The following PPRC1 variants were observed in gnomAD, a reference collection of about 807,000 sequenced individuals.
PPRC1 encodes PPARG related coactivator 1, also known as peroxisome proliferator-activated receptor gamma coactivator-related protein 1.
PPRC1 carries 23 observed loss-of-function variants against 132.5 expected under a neutral mutation model. The observed-to-expected ratio is 0.17, with a 90% confidence interval of 0.12 to 0.25. PPRC1 has a LOEUF of 0.25. PPRC1 is among the 10% of genes least tolerant of loss of function. PPRC1 has a pLI of 1.00. For missense variants in PPRC1, 2,006 were observed against 2,089.1 expected, an observed-to-expected ratio of 0.96 and a Z score of 0.78; for synonymous variants, 872 against 833.5, an observed-to-expected ratio of 1.05 and a Z score of -0.80.
chr10:102,146,906 C>T lies in PPRC1; in HGVS notation c.3914C>T (p.Pro1305Leu), dbSNP rs2069270916. 1 of 1,614,050 alleles carries T rather than the reference C, an allele frequency of 6.2e-7. No individual in the cohort carries two copies. Among genetic ancestry groups the T allele is most frequent in the Non-Finnish European group, 8.5e-7 (1 of 1,179,988 alleles). ...DHDYCVRSRT[P>L]PKKMPALVIP... ...GACTATTGTGTCCGGAGCAGGACCCCCCCAAAAAAGATGCCTGCCCTAGTC... is the reference window on the plus strand; with the variant it reads ...GACTATTGTGTCCGGAGCAGGACCCTCCCAAAAAAGATGCCTGCCCTAGTC... The change falls in exon 9 of 14, where the codon CCC becomes CTC. Residue 1305 changes from proline (P) to leucine (L), a missense_variant. Pro to Leu is a moderately conservative substitution (Grantham distance 98). Transcript: ENST00000278070.
At chr10:102,130,255 A>C (rs185388012), upstream of PPRC1, among the ~76,000 whole-genome samples, 10 of 151,838 alleles carry the variant, frequency 6.6e-5, no homozygotes, top group East Asian at 9.7e-4. Flanking sequence ...TCTCTACTAA[A>C]TATACAAAAA....
At chr10:102,132,091 C>G (rs1564925407), upstream of PPRC1, among the ~76,000 whole-genome samples, 1 of 152,160 alleles carries the variant, frequency 6.6e-6, no homozygotes, top group African/African-American at 2.4e-5. Flanking sequence ...CCAATTTGTG[C>G]CCCTATATAT....
In PPRC1 at chr10:102,148,306, T is replaced by C; in HGVS notation, c.4401-66T>C. 1 of 1,553,590 alleles carries C rather than the reference T, an allele frequency of 6.4e-7. No individual in the cohort carries two copies. The highest frequency in any genetic ancestry group is 2.2e-5 in the East Asian group (1 of 44,484). ...CTAAAAGAAAGGCAGGACTGGGGCC[T>C]GGGTGAGATAAGCAGAGTATACCTG... is the stretch of plus-strand genomic sequence containing the variant. On this transcript the variant is annotated intron_variant, in intron 9 of 13. Coordinates refer to ENST00000278070, the MANE Select transcript of PPRC1 (RefSeq NM_015062.5). The surrounding 1 kb of genome is among the most constrained non-coding windows in gnomAD (Gnocchi z 4.2).
chr10:102,138,071 C>G (rs758852323), intron 2 of PPRC1, 33 bp downstream of exon 2: 90 of 1,597,728 alleles, frequency 5.6e-5, no homozygotes, highest in Non-Finnish European at 7.4e-5. Flanking sequence ...AATCTTCAAG[C>G]AGGAGGTTTA....
chr10:102,120,372 C>CGTGTGTGCGT, the PPRC1 span: 2 of 983,874 alleles, frequency 2.0e-6, no homozygotes, highest in African/African-American at 1.8e-5. Flanking sequence ...AGTGTGTGTC[C>CGTGTGTGCGT]GTGTGTGCGT....
rs768032832 is a variant in PPRC1 at position 102,146,986 on chromosome 10, A to G, written c.3994A>G (p.Lys1332Glu). ...NVKRHQDITI[K>E]PVLSLGPAAP... The stretch of plus-strand genomic sequence containing the variant: ...CAAGCGCCATCAGGACATCACCATC[A>G]AACCTGTCTTGTCCTTGGGCCCAGC... The change falls in exon 9 of 14, where the codon AAA becomes GAA. Residue 1332 changes from lysine (K) to glutamate (E), a missense_variant. Lys to Glu is a moderately conservative substitution (Grantham distance 56). Transcript: ENST00000278070. The G allele has an allele frequency of 6.2e-7, 1 of 1,613,994 alleles. No individual in the cohort carries two copies. Among genetic ancestry groups the G allele is most frequent in the East Asian group, 2.2e-5 (1 of 44,866 alleles).
rs754893210 is a variant in PPRC1, at chr10:102,140,546, C to G, written c.2038C>G (p.Pro680Ala). The G allele has an allele frequency of 1.2e-6, 2 of 1,614,106 alleles. No individual in the cohort carries two copies. Among genetic ancestry groups the G allele is most frequent in the South Asian group, 2.2e-5 (2 of 91,084 alleles). The change falls in exon 5 of 14, where the codon CCA (proline) becomes GCA (alanine). Residue 680 changes from proline (P) to alanine (A), a missense_variant. Around this residue, in one of 2 missense-constraint regions of PPRC1, gnomAD observed 1,914 missense variants for 1,917.2 expected, o/e 1.00. Coordinates refer to ENST00000278070, the MANE Select transcript of PPRC1 (RefSeq NM_015062.5). ...LVDPVPNDLT[P>A]VDPVLVKSRP... is the part of the protein sequence containing the mutation. ...TGACCCTGTTCCTAATGACCTGACTCCAGTTGACCCAGTGCTAGTTAAGTC... is the reference window on the plus strand; with the variant it reads ...TGACCCTGTTCCTAATGACCTGACTGCAGTTGACCCAGTGCTAGTTAAGTC...
In PPRC1 at chr10:102,141,895, C is replaced by A; in HGVS notation, c.3387C>A (p.Val1129=). Residue 1129 remains valine (V), a synonymous_variant, in exon 5 of 14, where the codon GTC becomes GTA. Transcript: ENST00000278070. Reference sequence around the variant, plus strand: ...TTCCCACACCAAGGCAGAGCACTGTCCCCAAGCTGCCTGCTGTCCACCCAG... The same window carrying A: ...TTCCCACACCAAGGCAGAGCACTGTACCCAAGCTGCCTGCTGTCCACCCAG... ...KAVPTPRQST[V]PKLPAVHPAR... is the part of the protein sequence containing the mutation. 1 of 1,614,156 alleles carries A rather than the reference C, an allele frequency of 6.2e-7. No homozygotes were observed. Among genetic ancestry groups the A allele is most frequent in the Non-Finnish European group, 8.5e-7 (1 of 1,180,030 alleles).
rs1280474188 is a variant in PPRC1 at position 102,150,129 on chromosome 10, C to T, written c.*100C>T. 3.9e-6 allele frequency: 3 copies of T among 774,540 alleles called. No individual in the cohort carries two copies. The African/African-American group carries it at 5.2e-5, about 14-fold the overall frequency. The allele number at this position is 774,540 out of a possible 1,614,324, so 48.0% of individuals were successfully genotyped here. A position where few individuals can be genotyped will look rare whatever the true frequency, so the allele number is the denominator to read the frequency against. ...GGGGAGAGAGCTGCTAGTGAGATGA[C>T]TGTTTTATAAAGAAATGGAAAAAAG... On this transcript the variant is annotated 3_prime_UTR_variant, in exon 14 of 14. Coordinates refer to ENST00000278070, the MANE Select transcript of PPRC1 (RefSeq NM_015062.5).
At chr10:102,124,622 T>C in the PPRC1 span, among the ~76,000 whole-genome samples, 2 of 148,926 alleles carry the variant, frequency 1.3e-5, no homozygotes, top group Non-Finnish European at 3.0e-5. Context: ...ATTACAGGCG[T>C]GAGCCACTGT....
At position 102,137,920 on chromosome 10, in the gene PPRC1, A is replaced by C. The variant is rs2068786723; in HGVS notation, c.224A>C (p.Asp75Ala). Residue 75 changes from aspartate (D) to alanine (A), a missense_variant, in exon 2 of 14, where the codon GAC (aspartate) becomes GCC (alanine). By Grantham distance (126) the Asp-to-Ala change is moderately radical (BLOSUM62 -2). This residue lies in a region of PPRC1 where 1,914 missense variants were observed against 1,917.2 expected (regional missense o/e 1.00). Coordinates refer to ENST00000278070, the MANE Select transcript of PPRC1 (RefSeq NM_015062.5). Reference sequence around the variant, plus strand: ...TCTCGGCTGGGCCCATCTCTGAGGGACAAGGACCTGGAAATGGAGGAGCTA... The same window carrying C: ...TCTCGGCTGGGCCCATCTCTGAGGGCCAAGGACCTGGAAATGGAGGAGCTA... ...SLSRLGPSLR[D>A]KDLEMEELML... The C allele has an allele frequency of 6.2e-7, 1 of 1,614,006 alleles. No homozygotes were observed. The highest frequency in any genetic ancestry group is 8.5e-7 in the Non-Finnish European group (1 of 1,180,038).
In PPRC1 at chr10:102,140,324, C is replaced by T; in HGVS notation, c.1816C>T (p.Pro606Ser). The part of the protein sequence containing the change: ...AVGPVLAGPV[P>S]VDPGLVDLAS... ...TGGCCCTGTTCTAGCTGGCCCTGTA[C>T]CTGTTGACCCTGGGTTGGTTGACCT... Residue 606 changes from proline (P) to serine (S), a missense_variant, in exon 5 of 14, where the codon CCT becomes TCT. Transcript: ENST00000278070. The T allele has an allele frequency of 6.2e-7, 1 of 1,614,242 alleles. No individual in the cohort carries two copies. Among genetic ancestry groups the T allele is most frequent in the Non-Finnish European group, 8.5e-7 (1 of 1,180,048 alleles).
chr10:102,133,004 T>TC (rs2068574938), upstream of PPRC1: 6 of 1,235,334 alleles, frequency 4.9e-6, no homozygotes, highest in Admixed American at 4.2e-5. Flanking sequence ...GTAGTTCCTT[T>TC]CCCACAATCG....
chr10:102,145,208 G>A (rs2069169652), intron 8 of PPRC1, 118 bp downstream of exon 8: 4 of 960,686 alleles, frequency 4.2e-6, no homozygotes, highest in Non-Finnish European at 6.2e-6. Context: ...CTCCAGCCTT[G>A]AGATACTCAC....
At chr10:102,126,960 G>T in the PPRC1 span, among the ~76,000 whole-genome samples, 1 of 146,532 alleles carries the variant, frequency 6.8e-6, no homozygotes, top group Admixed American at 6.9e-5. Context: ...CATGGAGAAG[G>T]CACCATCCTT....
At chr10:102,129,363 T>G (rs914142622), upstream of PPRC1, among the ~76,000 whole-genome samples, 1 of 152,152 alleles carries the variant, frequency 6.6e-6, no homozygotes, top group Admixed American at 6.6e-5. Flanking sequence ...TCATGGTCAT[T>G]AGGAATGCAC....
chr10:102,146,771 A>T lies in PPRC1; in HGVS notation c.3779A>T (p.Glu1260Val). ...AAATCTCCTAAGTCCACCGCCCAGG[A>T]GGGAACCCTGAAGCCTGAAGGAGTT... ...KAKSPKSTAQ[E>V]GTLKPEGVTE... The change falls in exon 9 of 14, where the codon GAG becomes GTG. Residue 1260 changes from glutamate (E) to valine (V), a missense_variant. Physicochemically the swap from Glu to Val is moderately radical, Grantham distance 121 (BLOSUM62 -2). This residue lies in a region of PPRC1 where 1,914 missense variants were observed against 1,917.2 expected (regional missense o/e 1.00). Transcript: ENST00000278070. 1 of 1,614,042 alleles carries T rather than the reference A, an allele frequency of 6.2e-7. No individual in the cohort carries two copies. The highest frequency in any genetic ancestry group is 8.5e-7 in the Non-Finnish European group (1 of 1,180,004).
intron 9 of PPRC1, 142 bp downstream of exon 9, chr10:102,147,534 C>A: frequency 8.2e-7 from 1 of 1,220,384 alleles, no homozygotes; most frequent in Non-Finnish European, 1.1e-6. Flanking sequence ...TTGTGTTTTC[C>A]CTTTTCCTGG....
At chr10:102,149,868 A>G in intron 13 of PPRC1, 58 bp from the exon 14 acceptor site, 2 of 1,333,046 alleles carry the variant, frequency 1.5e-6, no homozygotes, top group Non-Finnish European at 2.2e-6. Flanking sequence ...AGCCATTTGC[A>G]GACCCTGTGG....
Sources: allele counts gnomAD v4.1 joint callset (sites outside exome capture counted in the v4.1 genomes callset), GRCh38; gene constraint gnomAD v4.1.1; regional missense constraint gnomAD v4.1.1; non-coding constraint Gnocchi (gnomAD v3.1); transcripts MANE v1.5; gene names NCBI Gene and HGNC (gene_info 2026-07-23, HGNC 2026-07-21).